The following SORT1 variants were observed in gnomAD, a reference collection of about 807,000 sequenced individuals.
SORT1 encodes sortilin.
SORT1 carries 39 observed loss-of-function variants against 101.7 expected under a neutral mutation model. That is an observed-to-expected ratio of 0.38 (90% CI 0.30 to 0.50). The LOEUF is 0.50. Ranked by LOEUF, SORT1 falls within the 20% of genes least tolerant of loss-of-function variation. The pLI, the probability that SORT1 is intolerant of heterozygous loss-of-function variation, is 0.90. For missense variants in SORT1, 878 were observed against 1,040.4 expected (o/e 0.84, Z 2.15); for synonymous variants, 396 against 393.7 (o/e 1.01, Z -0.07).
rs542263710 is a variant in SORT1, at chr1:109,387,903, T to C, written c.306+9684A>G. ...AGGCGGAGGTTGCAGTGAGCCGAGA[T>C]AGTGCCACTGCACTCCAGCCTGGGC... On this transcript the variant is annotated intron_variant, in intron 1 of 19. Transcript: ENST00000256637. Among the ~76,000 whole-genome samples, 9 of 152,138 alleles carry C rather than the reference T, an allele frequency of 5.9e-5. No homozygotes were observed. The East Asian group carries it at 1.7e-3, about 29-fold the overall frequency.
In SORT1 at chr1:109,393,110, A is replaced by G. The variant is rs1187335310; in HGVS notation, c.306+4477T>C. ...CAGCGGCAGCTCCCTGAAGCCTCTGACAGGCACACTCAGTCCTGTCAGCTT... is the reference window on the plus strand; with the variant it reads ...CAGCGGCAGCTCCCTGAAGCCTCTGGCAGGCACACTCAGTCCTGTCAGCTT... On this transcript the variant is annotated intron_variant, in intron 1 of 19. Coordinates refer to ENST00000256637, the MANE Select transcript of SORT1 (RefSeq NM_002959.7). The G allele has an allele frequency of 3.0e-6, 3 of 985,314 alleles. No individual in the cohort carries two copies. The African/African-American group carries it at 5.2e-5, about 17-fold the overall frequency. 61.0% of individuals were successfully genotyped at this position (985,314 alleles called of 1,614,324 possible).
chr1:109,360,372 AC>A (rs1203865151), intron 3 of SORT1, among the ~76,000 whole-genome samples: 1 of 152,048 alleles, frequency 6.6e-6, no homozygotes, highest in African/African-American at 2.4e-5. Context: ...TTGCTCTGCC[AC>A]CCAGGCTGGG....
rs148747967 is a variant in SORT1, at chr1:109,315,990, C to T, written c.2250+860G>A. 8.6e-3 allele frequency among the ~76,000 whole-genome samples: 1,310 copies of T among 151,906 alleles called. 26 individuals carry two copies. Among genetic ancestry groups the T allele is most frequent in the African/African-American group, 0.03 (1,249 of 41,412 alleles). Reference sequence around the variant, plus strand: ...GCCCAGGCTGCTCTCCAATTCATAGCCTCAACTGATCTCCCCACCTCAGCC... The same window carrying T: ...GCCCAGGCTGCTCTCCAATTCATAGTCTCAACTGATCTCCCCACCTCAGCC... On this transcript the variant is annotated intron_variant, in intron 17 of 19. Coordinates refer to ENST00000256637, the MANE Select transcript of SORT1 (RefSeq NM_002959.7).
chr1:109,369,480 G>T, intron 2 of SORT1, 50 bp downstream of exon 2: 1 of 1,194,394 alleles, frequency 8.4e-7, no homozygotes, highest in Non-Finnish European at 1.3e-6. Context: ...CCCCAAATCT[G>T]TTATCATCTT....
chr1:109,356,314 A>G (rs1398489985), intron 3 of SORT1, among the ~76,000 whole-genome samples: 2 of 152,238 alleles, frequency 1.3e-5, no homozygotes, highest in African/African-American at 4.8e-5. Context: ...CAATGTCAAG[A>G]GTACTAAGGT....
At chr1:109,341,917 T>C in intron 9 of SORT1, 97 bp downstream of exon 9, 1 of 1,191,958 alleles carries the variant, frequency 8.4e-7, no homozygotes, top group Non-Finnish European at 1.2e-6. Flanking sequence ...ACTAATAAAT[T>C]TCTAGGGGTA....
At chr1:109,378,006 A>G (rs1236148057) in intron 1 of SORT1, among the ~76,000 whole-genome samples, 1 of 152,100 alleles carries the variant, frequency 6.6e-6, no homozygotes, top group Non-Finnish European at 1.5e-5. Context: ...CTGAGGTGGG[A>G]GGTCACTTGA....
intron 3 of SORT1, among the ~76,000 whole-genome samples, chr1:109,360,338 AAGTAAATAAATAAGG>A (rs1021118993): frequency 6.6e-6 from 1 of 152,056 alleles, no homozygotes; most frequent in African/African-American, 2.4e-5. Context: ...CCTGTGTCAA[AAGTAAATAAATAAGG>A]AGAGGGTCTT....
Position 109,313,868 on chromosome 1 carries a change from T to TGG in SORT1, c.*174_*175insCC. The TGG allele has an allele frequency of 3.5e-6, 2 of 578,246 alleles. No individual in the cohort carries two copies. The highest frequency in any genetic ancestry group is 6.1e-6 in the Non-Finnish European group (2 of 327,518). 35.8% of individuals were successfully genotyped at this position (578,246 alleles called of 1,614,324 possible). A position where few individuals can be genotyped will look rare whatever the true frequency, so the allele number is the denominator to read the frequency against. On this transcript the variant is annotated 3_prime_UTR_variant, in exon 20 of 20. Transcript: ENST00000256637. ...CCAATTGTAAAAAAGTGCTCAGGGT[T>TGG]CCCCACCCCCACCCTGCATTTCTTT...
intron 17 of SORT1, among the ~76,000 whole-genome samples, 172 bp from the exon 18 acceptor site, chr1:109,314,950 G>T (rs1294915933): frequency 1.3e-5 from 2 of 152,160 alleles, no homozygotes; most frequent in Non-Finnish European, 1.5e-5. Flanking sequence ...GTTACCAGGA[G>T]AATATTATAG....
chr1:109,314,847 C>T, intron 17 of SORT1, 69 bp from the exon 18 acceptor site: 1 of 783,430 alleles, frequency 1.3e-6, no homozygotes, highest in Admixed American at 2.0e-5. Context: ...TCAAGGCAGC[C>T]ACTCATTCCC....
At chr1:109,364,771 C>T (rs1413514654) in intron 3 of SORT1, among the ~76,000 whole-genome samples, 1 of 152,222 alleles carries the variant, frequency 6.6e-6, no homozygotes, top group Non-Finnish European at 1.5e-5. Flanking sequence ...AATGCCAGTA[C>T]CTGCTGGCTA....
At chr1:109,344,217 G>A (rs1368961010) in intron 8 of SORT1, among the ~76,000 whole-genome samples, 1 of 152,172 alleles carries the variant, frequency 6.6e-6, no homozygotes, top group Non-Finnish European at 1.5e-5. Flanking sequence ...GGACTCCTGA[G>A]AGAGCTCCCG....
Position 109,322,985 on chromosome 1 carries a change from A to G in SORT1, c.1971T>C (p.Tyr657=). ...KSSVCQNGRD[Y]VVTKQPSICL... ...AGATGGAGGGCTGCTTGGTCACAAC[A>G]TAGTCTCGACCATTCTGACACACGG... The change falls in exon 15 of 20, where the codon TAT becomes TAC. Residue 657 remains tyrosine (Y), a synonymous_variant. Transcript: ENST00000256637. The G allele has an allele frequency of 6.2e-7, 1 of 1,614,180 alleles. No homozygotes were observed. Among genetic ancestry groups the G allele is most frequent in the Non-Finnish European group, 8.5e-7 (1 of 1,180,008 alleles).
At chr1:109,314,130 G>A (rs1658886667) in intron 19 of SORT1, 73 bp from the exon 20 acceptor site, 1 of 1,606,922 alleles carries the variant, frequency 6.2e-7, no homozygotes, top group Admixed American at 1.7e-5. Context: ...CTAGTTTCTG[G>A]GCTTGCCAAA....
chr1:109,341,762 T>C (rs745989940), intron 9 of SORT1, among the ~76,000 whole-genome samples: 1 of 152,204 alleles, frequency 6.6e-6, no homozygotes, highest in Admixed American at 6.5e-5. Flanking sequence ...TGGTAACAGA[T>C]AGTTTGCAAA....
intron 11 of SORT1, among the ~76,000 whole-genome samples, chr1:109,335,821 G>A (rs1158898668): frequency 1.3e-5 from 2 of 152,198 alleles, no homozygotes; most frequent in African/African-American, 4.8e-5. Context: ...AGCCTAGGCA[G>A]AGGGAAAGGA....
chr1:109,394,425 GA>G (rs1047203113), intron 1 of SORT1, among the ~76,000 whole-genome samples: 2 of 151,754 alleles, frequency 1.3e-5, no homozygotes, highest in African/African-American at 4.8e-5. Context: ...AATGATATGA[GA>G]AAAAAAACCT....
At chr1:109,371,247 G>A (rs1363909217) in intron 1 of SORT1, among the ~76,000 whole-genome samples, 1 of 152,252 alleles carries the variant, frequency 6.6e-6, no homozygotes, top group Non-Finnish European at 1.5e-5. Flanking sequence ...AGGGCTGCCA[G>A]AGCTTCTGAA....
Sources: gnomAD v4.1 joint callset for allele counts (sites outside exome capture counted in the v4.1 genomes callset) on GRCh38, gnomAD v4.1.1 for gene constraint, MANE v1.5 for transcripts, NCBI Gene and HGNC (gene_info 2026-07-23, HGNC 2026-07-21) for gene names.